Variants in RASA4 observed in about 807,000 individuals in gnomAD.
RASA4 encodes ras GTPase-activating protein 4.
In RASA4, 5 loss-of-function variants were observed where a neutral mutation model predicts 24.0. The observed-to-expected ratio is 0.21, with a 90% CI of 0.11 to 0.44. The LOEUF is 0.44. Ranked by LOEUF, RASA4 falls within the 20% of genes least tolerant of loss-of-function variation. RASA4 has a pLI of 0.99. For missense variants in RASA4, 38 were observed against 293.0 expected (o/e 0.13, Z 6.35); for synonymous variants, 9 against 132.7 (o/e 0.07, Z 6.41).
rs151024405 is a variant in RASA4 at position 102,605,963 on chromosome 7, G to A, written c.323C>T (p.Thr108Met). The change falls in exon 5 of 21, where the codon ACG becomes ATG. Residue 108 changes from threonine to methionine, a missense_variant. Transcript: ENST00000262940. ...CACCTCCTCATCGGGGTCGACCTCC[G>A]TCAGGTGGGCCCACCCGCTGAAACC... is the stretch of plus-strand genomic sequence containing the variant. ...PKGFSGWAHL[T>M]EVDPDEEVQG... 5.3e-5 allele frequency: 86 copies of A among 1,609,598 alleles called. No individual in the cohort carries two copies. Among genetic ancestry groups the A allele is most frequent in the African/African-American group, 4.7e-4 (35 of 74,684 alleles).
chr7:102,606,012 C>A lies in RASA4; in HGVS notation c.299-25G>T, dbSNP rs771778926. The A allele has an allele frequency of 2.5e-6, 4 of 1,609,216 alleles. No individual in the cohort carries two copies. In the South Asian group the frequency reaches 3.3e-5, roughly 13 times the overall value. ...CCTGTGGGGTCAGCTCAGCCAGGGA[C>A]CCGGCCCTGAACCCCCATACCCTCC... On this transcript the variant is annotated intron_variant, in intron 4 of 20. Transcript: ENST00000262940.
At position 102,605,974 on chromosome 7, in the gene RASA4, C is replaced by T. The variant is rs1261889833; in HGVS notation, c.312G>A (p.Trp104Ter). 1.2e-6 allele frequency: 2 copies of T among 1,609,942 alleles called. No individual in the cohort carries two copies. Among genetic ancestry groups the T allele is most frequent in the South Asian group, 1.1e-5 (1 of 90,848 alleles). ...IASHPKGFSG[W>*]AHLTEVDPDE... ...CGGGGTCGACCTCCGTCAGGTGGGCCCACCCGCTGAAACCTGTGGGGTCAG... is the reference window on the plus strand; with the variant it reads ...CGGGGTCGACCTCCGTCAGGTGGGCTCACCCGCTGAAACCTGTGGGGTCAG... Residue 104 changes from tryptophan to a stop codon, truncating the protein, a stop_gained, in exon 5 of 21, where the codon TGG becomes TGA. Transcript: ENST00000262940. LOFTEE classifies it high-confidence loss of function.
At chr7:102,603,505 G>A (rs561668373) in intron 5 of RASA4, among the ~76,000 whole-genome samples, 4 of 151,784 alleles carry the variant, frequency 2.6e-5, no homozygotes, top group African/African-American at 9.6e-5. Context: ...GGCCTCAAGA[G>A]ATCCTCCCAC....
At chr7:102,603,769 A>G (rs1790474110) in intron 5 of RASA4, among the ~76,000 whole-genome samples, 1 of 146,060 alleles carries the variant, frequency 6.8e-6, no homozygotes, top group Non-Finnish European at 1.5e-5. Context: ...GAACCTGGGG[A>G]GGCAGAGGTT....
intron 16 of RASA4, among the ~76,000 whole-genome samples, chr7:102,590,741 G>C (rs1383178661): frequency 6.9e-6 from 1 of 145,734 alleles, no homozygotes; most frequent in Non-Finnish European, 1.5e-5. Flanking sequence ...GGGAGTTCGA[G>C]ACCAGCCTGA....
intron 16 of RASA4, among the ~76,000 whole-genome samples, chr7:102,591,177 C>G (rs1281968396): frequency 1.1e-5 from 1 of 94,250 alleles, no homozygotes; most frequent in Non-Finnish European, 2.0e-5. Context: ...GTAGTCCCAG[C>G]TACTCGGGAG....
At chr7:102,590,651 C>G (rs1163605758) in intron 16 of RASA4, among the ~76,000 whole-genome samples, 2 of 140,306 alleles carry the variant, frequency 1.4e-5, no homozygotes, top group Non-Finnish European at 3.0e-5. Context: ...CTCTAATAGT[C>G]ATATCCTGAC....
intron 4 of RASA4, among the ~76,000 whole-genome samples, chr7:102,608,287 T>TTACA (rs1586857167): frequency 3.0e-5 from 2 of 66,984 alleles, no homozygotes; most frequent in East Asian, 7.7e-4. Flanking sequence ...AAAAAAAAAC[T>TTACA]ATATAAAAAT....
intron 5 of RASA4, among the ~76,000 whole-genome samples, chr7:102,603,865 CA>C (rs60895813): frequency 2.6e-4 from 21 of 80,236 alleles, no homozygotes; most frequent in African/African-American, 5.2e-4. Flanking sequence ...AAAAAACCAC[CA>C]AAAAAAAAAA....
rs1801451945 is a variant in RASA4 at position 102,579,873 on chromosome 7, T to TATTCCATAAAC, written c.*2887_*2897dup. ...AAATGCCTATATCATTTATCCTAAA[T>TATTCCATAAAC]ATTCCATAAACATTCCACTATGTAG... On this transcript the variant is annotated 3_prime_UTR_variant, in exon 21 of 21. Coordinates refer to ENST00000262940, the MANE Select transcript of RASA4 (RefSeq NM_006989.6). The TATTCCATAAAC allele has an allele frequency of 5.2e-6, 1 of 193,928 alleles. No homozygotes were observed. Among genetic ancestry groups the TATTCCATAAAC allele is most frequent in the African/African-American group, 2.6e-5 (1 of 38,490 alleles). The allele number at this position is 193,928 out of a possible 1,614,324, so 12.0% of individuals were successfully genotyped here.
intron 14 of RASA4, among the ~76,000 whole-genome samples, chr7:102,593,366 T>TA (rs1464809418): frequency 1.4e-5 from 1 of 70,050 alleles, no homozygotes; most frequent in East Asian, 4.1e-4. Flanking sequence ...CCTTCCTCTG[T>TA]AGGTTTAACT....
chr7:102,591,078 T>A (rs1343830966), intron 16 of RASA4, among the ~76,000 whole-genome samples: 2 of 106,546 alleles, frequency 1.9e-5, no homozygotes, highest in African/African-American at 4.7e-5. Context: ...AGGCCAGGAG[T>A]TTGAGAACAG....
Position 102,580,993 on chromosome 7 carries a change from C to A in RASA4, c.*1778G>T, listed in dbSNP as rs1194843208. 9 of 92,664 alleles carry A rather than the reference C, an allele frequency of 9.7e-5. No homozygotes were observed. Among genetic ancestry groups the A allele is most frequent in the African/African-American group, 2.6e-4 (9 of 34,028 alleles). The allele number at this position is 92,664 out of a possible 1,614,324, so 5.7% of individuals were successfully genotyped here. ...GTCCCAGTTTCGTGATCTCTTCTTC[C>A]CTTTCCTTCCTGGTAGCTTAAAAAA... is the stretch of plus-strand genomic sequence containing the variant. On this transcript the variant is annotated 3_prime_UTR_variant, in exon 21 of 21. Coordinates refer to ENST00000262940, the MANE Select transcript of RASA4 (RefSeq NM_006989.6).
At chr7:102,614,161 C>T (rs1461524708) in intron 1 of RASA4, among the ~76,000 whole-genome samples, 3 of 143,388 alleles carry the variant, frequency 2.1e-5, no homozygotes, top group African/African-American at 7.8e-5. Context: ...CTCCAGTACT[C>T]AGTGAGGGCC....
chr7:102,586,466 T>C (rs1962618), intron 18 of RASA4, among the ~76,000 whole-genome samples: 8 of 22 alleles, frequency 0.36, no homozygotes, highest in African/African-American at 0.5. Flanking sequence ...CAAGACCCTG[T>C]TTTAAAAAAT....
rs1185019594 is a variant in RASA4 at position 102,604,980 on chromosome 7, G to A, written c.428+878C>T. 4.2e-5 allele frequency among the ~76,000 whole-genome samples: 5 copies of A among 119,630 alleles called. No individual in the cohort carries two copies. In the East Asian group the frequency reaches 9.6e-4, roughly 23 times the overall value. 78.5% of individuals were successfully genotyped at this position (119,630 alleles called of 152,430 possible). A position where few individuals can be genotyped will look rare whatever the true frequency, so the allele number is the denominator to read the frequency against. ...AGAGTGTGACTCAGACCCAGGCCCA[G>A]ACGGGAGTGCAGCCTGCAGCTAAAA... On this transcript the variant is annotated intron_variant, in intron 5 of 20. Coordinates refer to ENST00000262940, the MANE Select transcript of RASA4 (RefSeq NM_006989.6).
intron 8 of RASA4, among the ~76,000 whole-genome samples, chr7:102,597,916 G>A (rs1413239796): frequency 2.5e-5 from 2 of 79,626 alleles, no homozygotes; most frequent in Non-Finnish European, 3.1e-5. Flanking sequence ...GGCTGGTCTC[G>A]AACTCGTGAC....
chr7:102,616,569 T>TG (rs1160134871), intron 1 of RASA4, 56 bp downstream of exon 1: 27 of 1,556,414 alleles, frequency 1.7e-5, no homozygotes, highest in Non-Finnish European at 6.1e-6. Context: ...TCAGGCGTCC[T>TG]GGGGGGCAGT....
At chr7:102,597,800 C>T (rs1282136047) in intron 8 of RASA4, among the ~76,000 whole-genome samples, 10 of 100,540 alleles carry the variant, frequency 9.9e-5, no homozygotes, top group African/African-American at 2.6e-4. Flanking sequence ...CTGCAACCTC[C>T]GTCTCCTGGG....
Sources: allele counts gnomAD v4.1 joint callset (sites outside exome capture counted in the v4.1 genomes callset), GRCh38; gene constraint gnomAD v4.1.1; transcripts MANE v1.5; gene names NCBI Gene and HGNC (gene_info 2026-07-23, HGNC 2026-07-21).